The following HFM1 variants were observed in gnomAD, a reference collection of about 807,000 sequenced individuals.
HFM1 encodes probable ATP-dependent DNA helicase HFM1.
A neutral mutation model predicts 192.1 loss-of-function variants in HFM1; 169 were observed. The ratio of observed to expected loss-of-function variants is 0.88; its 90% CI spans 0.78 to 1.00. The LOEUF is 1.00. Among genes scored for constraint, HFM1 ranks in the 50% least tolerant of loss-of-function variants. The probability of loss-of-function intolerance (pLI) is 0.00; values close to 1 mark genes in which losing one functional copy is unlikely to be tolerated. For synonymous variants in HFM1, 525 were observed against 537.8 expected (o/e 0.98, Z 0.33); for missense variants, 1,661 against 1,668.0 (o/e 1.00, Z 0.07).
rs1369632841 is a variant in HFM1, at chr1:91,313,888, T to A, written c.3244+69A>T. 4 of 810,272 alleles carry A rather than the reference T, an allele frequency of 4.9e-6. No individual in the cohort carries two copies. In the African/African-American group the frequency reaches 5.2e-5, roughly 11 times the overall value. The allele number at this position is 810,272 out of a possible 1,614,324, so 50.2% of individuals were successfully genotyped here. Reference sequence around the variant, plus strand: ...TTTATACTGTTTTTCTGTACCAGCATAAAGGATGTAATTTTTAAATGCAAT... The same window carrying A: ...TTTATACTGTTTTTCTGTACCAGCAAAAAGGATGTAATTTTTAAATGCAAT... On this transcript the variant is annotated intron_variant, in intron 29 of 38. Coordinates refer to ENST00000370425, the MANE Select transcript of HFM1 (RefSeq NM_001017975.6).
intron 13 of HFM1, among the ~76,000 whole-genome samples, chr1:91,355,408 CA>C (rs1370961046): frequency 4.7e-5 from 7 of 150,016 alleles, no homozygotes. Flanking sequence ...CCAATCAAGA[CA>C]TATAGTGTCT....
intron 13 of HFM1, among the ~76,000 whole-genome samples, chr1:91,370,814 G>A (rs1259771052): frequency 6.6e-6 from 1 of 152,216 alleles, no homozygotes; most frequent in Non-Finnish European, 1.5e-5. Flanking sequence ...CCTGTTTGCA[G>A]AAGACATGAT....
At chr1:91,352,947 GA>G in intron 15 of HFM1, 103 bp downstream of exon 15, 1 of 726,452 alleles carries the variant, frequency 1.4e-6, no homozygotes, top group Non-Finnish European at 2.3e-6. Flanking sequence ...ATTCTCAGAA[GA>G]AAAGCAGAAA....
intron 25 of HFM1, 39 bp from the exon 26 acceptor site, chr1:91,316,515 C>T: frequency 1.1e-6 from 1 of 912,184 alleles, no homozygotes; most frequent in East Asian, 2.8e-5. Context: ...AAAAATAATG[C>T]ACTTTAAATA....
At chr1:91,289,625 T>G (rs1379430168) in intron 30 of HFM1, among the ~76,000 whole-genome samples, 7 of 152,136 alleles carry the variant, frequency 4.6e-5, no homozygotes, top group Admixed American at 4.6e-4. Context: ...CTTGGGAGGC[T>G]GAGGCTGGCA....
At chr1:91,390,770 G>C (rs1267703885) in intron 4 of HFM1, among the ~76,000 whole-genome samples, 2 of 152,144 alleles carry the variant, frequency 1.3e-5, no homozygotes, top group Admixed American at 6.5e-5. Flanking sequence ...TCAGGTAGGA[G>C]AAAGAAATAA....
chr1:91,366,733 G>C (rs1279127896), intron 13 of HFM1, among the ~76,000 whole-genome samples: 1 of 152,222 alleles, frequency 6.6e-6, no homozygotes, highest in Non-Finnish European at 1.5e-5. Context: ...TTCCAACTGA[G>C]GTACTGGGTT....
At chr1:91,384,448 G>T (rs1311311820) in intron 6 of HFM1, among the ~76,000 whole-genome samples, 4 of 152,014 alleles carry the variant, frequency 2.6e-5, no homozygotes, top group Non-Finnish European at 5.9e-5. Flanking sequence ...ATGAAAATTG[G>T]ATTCTAGGTA....
At chr1:91,286,399 C>T (rs1006667183) in intron 30 of HFM1, among the ~76,000 whole-genome samples, 1 of 152,192 alleles carries the variant, frequency 6.6e-6, no homozygotes, top group South Asian at 2.1e-4. Flanking sequence ...CTCAACTCTT[C>T]CAGTTTCTGA....
chr1:91,269,603 A>G (rs1265946070), intron 34 of HFM1, among the ~76,000 whole-genome samples: 1 of 152,150 alleles, frequency 6.6e-6, no homozygotes, highest in Non-Finnish European at 1.5e-5. Context: ...CACAATGTAT[A>G]TATGTACTAA....
chr1:91,313,308 C>A (rs754163401), intron 30 of HFM1, 41 bp downstream of exon 30: 2 of 1,237,180 alleles, frequency 1.6e-6, no homozygotes, highest in South Asian at 3.0e-5. Flanking sequence ...CTAGCCATAT[C>A]TTTGCTTTAA....
At chr1:91,326,492 A>G (rs1652930921) in intron 20 of HFM1, among the ~76,000 whole-genome samples, 1 of 152,190 alleles carries the variant, frequency 6.6e-6, no homozygotes, top group Non-Finnish European at 1.5e-5. Flanking sequence ...AAACCCTTTT[A>G]CTCTAGAATA....
At chr1:91,332,956 G>C (rs949674394) in intron 20 of HFM1, among the ~76,000 whole-genome samples, 1 of 152,158 alleles carries the variant, frequency 6.6e-6, no homozygotes, top group Non-Finnish European at 1.5e-5. Flanking sequence ...AATAATAAAT[G>C]CTGGTGAAGA....
At position 91,379,216 on chromosome 1, in the gene HFM1, T is replaced by G; in HGVS notation, c.1007-2A>C. 1 of 1,588,408 alleles carries G rather than the reference T, an allele frequency of 6.3e-7. No individual in the cohort carries two copies. Among genetic ancestry groups the G allele is most frequent in the Non-Finnish European group, 8.5e-7 (1 of 1,171,076 alleles). On this transcript the variant is annotated splice_acceptor_variant, in intron 8 of 38. Transcript: ENST00000370425. LOFTEE classifies it high-confidence loss of function. ...TGCACAAGGCTTTTATTGGTGCCACTGTAACAATATAAAATATTTACTTTG... is the reference window on the plus strand; with the variant it reads ...TGCACAAGGCTTTTATTGGTGCCACGGTAACAATATAAAATATTTACTTTG...
At position 91,314,126 on chromosome 1, in the gene HFM1, G is replaced by A. The variant is rs1212931383; in HGVS notation, c.3141-66C>T. ...ATGAAATACATATTAATCTTGAAGGGCTGATTGTTCTTAAGAAAGATACTC... is the reference window on the plus strand; with the variant it reads ...ATGAAATACATATTAATCTTGAAGGACTGATTGTTCTTAAGAAAGATACTC... On this transcript the variant is annotated intron_variant, in intron 28 of 38. Coordinates refer to ENST00000370425, the MANE Select transcript of HFM1 (RefSeq NM_001017975.6). The A allele has an allele frequency of 9.4e-6, 9 of 953,280 alleles. No homozygotes were observed. The Admixed American group carries it at 2.0e-4, about 21-fold the overall frequency. The allele number at this position is 953,280 out of a possible 1,614,324, so 59.1% of individuals were successfully genotyped here. A position where few individuals can be genotyped will look rare whatever the true frequency, so the allele number is the denominator to read the frequency against.
intron 13 of HFM1, among the ~76,000 whole-genome samples, chr1:91,366,485 T>A (rs1367220810): frequency 6.6e-6 from 1 of 152,216 alleles, no homozygotes; most frequent in Non-Finnish European, 1.5e-5. Context: ...AGCTTCAAAT[T>A]GTTTAGACCT....
intron 28 of HFM1, 81 bp from the exon 29 acceptor site, chr1:91,314,141 G>A (rs1650872741): frequency 1.2e-6 from 1 of 822,262 alleles, no homozygotes; most frequent in African/African-American, 1.7e-5. Context: ...TTGTTCTTAA[G>A]AAAGATACTC....
chr1:91,384,428 A>C (rs140450535), intron 6 of HFM1, among the ~76,000 whole-genome samples: 2 of 152,288 alleles, frequency 1.3e-5, no homozygotes, highest in African/African-American at 4.8e-5. Flanking sequence ...TACACTGGAA[A>C]TGTCCAGACA....
At chr1:91,277,833 T>C (rs1667049521) in intron 30 of HFM1, among the ~76,000 whole-genome samples, 1 of 123,492 alleles carries the variant, frequency 8.1e-6, no homozygotes, top group Middle Eastern at 3.5e-3. Flanking sequence ...ACTTTATATA[T>C]AATATATACT....
Sources: gnomAD v4.1 joint callset for allele counts (sites outside exome capture counted in the v4.1 genomes callset) on GRCh38, gnomAD v4.1.1 for gene constraint, MANE v1.5 for transcripts, NCBI Gene and HGNC (gene_info 2026-07-23, HGNC 2026-07-21) for gene names.